CDH13: variants seen among roughly 807,000 people sequenced by gnomAD.
CDH13 encodes cadherin-13.
In CDH13, 24 loss-of-function variants were observed where a neutral mutation model predicts 63.8. That is an observed-to-expected ratio of 0.38 (90% CI 0.27 to 0.53). The LOEUF (loss-of-function observed/expected upper bound fraction) is 0.53. Among genes scored for constraint, CDH13 ranks in the 20% least tolerant of loss-of-function variants. CDH13 has a pLI of 0.85. For missense variants in CDH13, 1,049 were observed against 903.1 expected, an observed-to-expected ratio of 1.16 and a Z score of -2.07; for synonymous variants, 503 against 355.3, an observed-to-expected ratio of 1.42 and a Z score of -4.67.
At chr16:83,212,336 G>A (rs2039361769) in intron 4 of CDH13, among the ~76,000 whole-genome samples, 1 of 152,152 alleles carries the variant, frequency 6.6e-6, no homozygotes, top group Non-Finnish European at 1.5e-5. Flanking sequence ...CCAGAGAGGT[G>A]GTGGGTAATT....
intron 11 of CDH13, among the ~76,000 whole-genome samples, chr16:83,775,762 G>C (rs1915067754): frequency 6.6e-6 from 1 of 151,960 alleles, no homozygotes; most frequent in Non-Finnish European, 1.5e-5. Flanking sequence ...AGAAAAGAAA[G>C]AGAAAATTCA....
At chr16:83,515,875 A>G (rs2074687890) in intron 7 of CDH13, among the ~76,000 whole-genome samples, 1 of 152,202 alleles carries the variant, frequency 6.6e-6, no homozygotes, top group Non-Finnish European at 1.5e-5. Context: ...ATATATTTAT[A>G]AATTTAATCT....
At chr16:82,781,509 C>A (rs995083105) in intron 1 of CDH13, among the ~76,000 whole-genome samples, 1 of 152,000 alleles carries the variant, frequency 6.6e-6, no homozygotes, top group Non-Finnish European at 1.5e-5. Context: ...ATCTGTCCAC[C>A]CACTCACCCA....
At chr16:83,613,824 G>T (rs1180794933) in intron 8 of CDH13, among the ~76,000 whole-genome samples, 2 of 148,784 alleles carry the variant, frequency 1.3e-5, no homozygotes, top group East Asian at 1.9e-4. Context: ...CAGAATGAGA[G>T]TCTGCCTCAA....
intron 10 of CDH13, among the ~76,000 whole-genome samples, chr16:83,726,635 A>G (rs1910421740): frequency 6.6e-6 from 1 of 152,200 alleles, no homozygotes. Context: ...GGAGATCAAG[A>G]CCATCCTGGC....
intron 1 of CDH13, among the ~76,000 whole-genome samples, chr16:82,705,483 C>G (rs974498884): frequency 6.6e-6 from 1 of 152,228 alleles, no homozygotes; most frequent in African/African-American, 2.4e-5. Context: ...CCATCTGAAT[C>G]TTTACTCAAC....
At chr16:83,692,973 C>G (rs1905055002) in intron 10 of CDH13, among the ~76,000 whole-genome samples, 1 of 152,194 alleles carries the variant, frequency 6.6e-6, no homozygotes, top group East Asian at 1.9e-4. Context: ...ATCCCAGCTA[C>G]TCAGGAGGCT....
intron 6 of CDH13, among the ~76,000 whole-genome samples, chr16:83,401,477 A>T (rs138173702): frequency 5.9e-5 from 9 of 152,252 alleles, no homozygotes; most frequent in African/African-American, 1.7e-4. Context: ...GCATCACTGC[A>T]CTCCAGCCTG....
chr16:83,678,367 A>G lies in CDH13; in HGVS notation c.1444A>G (p.Met482Val), dbSNP rs755031747. The G allele has an allele frequency of 1.9e-6, 3 of 1,613,824 alleles. No homozygotes were observed. Among genetic ancestry groups the G allele is most frequent in the Non-Finnish European group, 2.5e-6 (3 of 1,179,862 alleles). Reference protein sequence around the residue: ...NEGPVFYPDPMMVTRQEDLSV... With the variant: ...NEGPVFYPDPVMVTRQEDLSV... ...GGGCCCAGTCTTCTACCCAGACCCC[A>G]TGATGGTGACCAGGCAGGAGGACCT... The change falls in exon 10 of 14, where the codon ATG becomes GTG. Residue 482 changes from methionine to valine, a missense_variant. Transcript: ENST00000567109.
At chr16:83,682,584 G>C (rs796766080) in intron 10 of CDH13, among the ~76,000 whole-genome samples, 1 of 152,000 alleles carries the variant, frequency 6.6e-6, no homozygotes, top group African/African-American at 2.4e-5. Flanking sequence ...TTGGCTGTGC[G>C]GTCACCACAG....
intron 2 of CDH13, among the ~76,000 whole-genome samples, chr16:82,876,563 A>G (rs1411269392): frequency 6.6e-6 from 1 of 152,228 alleles, no homozygotes; most frequent in Non-Finnish European, 1.5e-5. Flanking sequence ...ACTATGTCAC[A>G]TTGCTTTCAA....
intron 3 of CDH13, among the ~76,000 whole-genome samples, chr16:83,065,911 A>G (rs1227756766): frequency 1.3e-5 from 2 of 152,102 alleles, no homozygotes; most frequent in African/African-American, 4.8e-5. Flanking sequence ...AATAACTGGA[A>G]AATGGCTTTG....
At chr16:83,219,328 G>A (rs2039629327) in intron 5 of CDH13, among the ~76,000 whole-genome samples, 1 of 152,128 alleles carries the variant, frequency 6.6e-6, no homozygotes, top group African/African-American at 2.4e-5. Flanking sequence ...AAAAACTGAG[G>A]CCATATAATA....
intron 10 of CDH13, among the ~76,000 whole-genome samples, chr16:83,720,815 G>A (rs538271993): frequency 6.6e-6 from 1 of 152,232 alleles, no homozygotes; most frequent in East Asian, 1.9e-4. Flanking sequence ...AGCCCCATGG[G>A]GCCTTGTGAC....
chr16:83,289,288 C>T (rs979138489), intron 5 of CDH13, among the ~76,000 whole-genome samples: 17 of 152,136 alleles, frequency 1.1e-4, no homozygotes, highest in Non-Finnish European at 1.9e-4. Flanking sequence ...CTTCACTACC[C>T]GGTTATATTA....
chr16:83,286,795 T>C (rs554363974), intron 5 of CDH13, among the ~76,000 whole-genome samples: 68 of 150,004 alleles, frequency 4.5e-4, no homozygotes, highest in Non-Finnish European at 8.7e-4. Flanking sequence ...TATATATATA[T>C]ACACACACAC....
At chr16:83,491,642 A>C (rs1408149087) in intron 7 of CDH13, among the ~76,000 whole-genome samples, 2 of 151,418 alleles carry the variant, frequency 1.3e-5, no homozygotes, top group African/African-American at 4.9e-5. Flanking sequence ...TAACATTTGC[A>C]TTGAGAAAGT....
At chr16:82,971,642 C>G (rs192676153) in intron 2 of CDH13, among the ~76,000 whole-genome samples, 4 of 152,302 alleles carry the variant, frequency 2.6e-5, no homozygotes, top group Middle Eastern at 3.4e-3. Flanking sequence ...GGGTGTAGTT[C>G]TGATATAAAC....
intron 1 of CDH13, among the ~76,000 whole-genome samples, chr16:82,637,250 G>A (rs574949060): frequency 6.6e-6 from 1 of 152,080 alleles, no homozygotes; most frequent in South Asian, 2.1e-4. Context: ...GCATGTTTTT[G>A]CAGTAAGAAA....
Sources: gnomAD v4.1 joint callset for allele counts (sites outside exome capture counted in the v4.1 genomes callset) on GRCh38, gnomAD v4.1.1 for gene constraint, MANE v1.5 for transcripts, NCBI Gene and HGNC (gene_info 2026-07-23, HGNC 2026-07-21) for gene names.